Variants in ARL13B observed in about 807,000 individuals in gnomAD.
ARL13B encodes the protein ARF like GTPase 13B, also known as ADP-ribosylation factor-like protein 13B.
ARL13B carries 36 observed loss-of-function variants against 56.1 expected under a neutral mutation model. The ratio of observed to expected loss-of-function variants is 0.64; its 90% CI spans 0.49 to 0.85. ARL13B has a LOEUF of 0.85. Among genes scored for constraint, ARL13B ranks in the 40% least tolerant of loss-of-function variants. ARL13B has a pLI of 0.00. For synonymous variants in ARL13B, 178 were observed against 171.1 expected, an observed-to-expected ratio of 1.04 and a Z score of -0.32; for missense variants, 519 against 507.1, an observed-to-expected ratio of 1.02 and a Z score of -0.23.
In ARL13B at chr3:94,054,160, T is replaced by G. The variant is rs1203573458; in HGVS notation, c.*897T>G. 1 of 453,228 alleles carries G rather than the reference T, an allele frequency of 2.2e-6. No homozygotes were observed. Among genetic ancestry groups the G allele is most frequent in the Non-Finnish European group, 4.4e-6 (1 of 226,220 alleles). 28.1% of individuals were successfully genotyped at this position (453,228 alleles called of 1,614,324 possible). On this transcript the variant is annotated 3_prime_UTR_variant, in exon 10 of 10. Coordinates refer to ENST00000394222, the MANE Select transcript of ARL13B (RefSeq NM_001174150.2). ...TTGTTCCATCAGAAGCTGCAGTGAC[T>G]CTTTTAGGTGATTCTAATTCTTTCA...
Position 94,011,061 on chromosome 3 carries a change from C to G in ARL13B, c.380+7153C>G, listed in dbSNP as rs139889014. On this transcript the variant is annotated intron_variant, in intron 3 of 9. Transcript: ENST00000394222. ...GGAGATACGTGAAACATCTTTTTCT[C>G]TAGCGATGCTTGATAATTGACACCA... Among the ~76,000 whole-genome samples the G allele has an allele frequency of 1.2e-4, 18 of 152,140 alleles. No homozygotes were observed. In the East Asian group the frequency reaches 3.5e-3, roughly 29 times the overall value.
chr3:94,030,372 GCACGCCAC>G (rs2076653965), intron 3 of ARL13B, among the ~76,000 whole-genome samples: 1 of 149,564 alleles, frequency 6.7e-6, no homozygotes, highest in Non-Finnish European at 1.5e-5. Flanking sequence ...TATTACAGGT[GCACGCCAC>G]CACGCCTGGC....
chr3:94,042,805 ATTTG>A (rs1018713741), intron 6 of ARL13B, among the ~76,000 whole-genome samples: 16 of 152,128 alleles, frequency 1.1e-4, no homozygotes, highest in African/African-American at 3.9e-4. Flanking sequence ...TACTGGTAAT[ATTTG>A]TTTGCTTTTG....
intron 3 of ARL13B, among the ~76,000 whole-genome samples, chr3:94,016,966 C>A (rs1333126611): frequency 6.6e-6 from 1 of 152,122 alleles, no homozygotes; most frequent in Non-Finnish European, 1.5e-5. Context: ...TCTGTCAGAA[C>A]CATCAGAATA....
At chr3:94,042,962 C>T in intron 6 of ARL13B, 53 bp from the exon 7 acceptor site, 2 of 1,438,508 alleles carry the variant, frequency 1.4e-6, no homozygotes, top group Non-Finnish European at 1.9e-6. Flanking sequence ...TCCCTTAAAA[C>T]TATCTTAGAT....
rs1049073807 is a variant in ARL13B at position 94,053,592 on chromosome 3, A to T, written c.*329A>T. 2.0e-6 allele frequency: 1 copy of T among 496,530 alleles called. No homozygotes were observed. The highest frequency in any genetic ancestry group is 3.9e-6 in the Non-Finnish European group (1 of 255,604). 30.8% of individuals were successfully genotyped at this position (496,530 alleles called of 1,614,324 possible). A position where few individuals can be genotyped will look rare whatever the true frequency, so the allele number is the denominator to read the frequency against. Reference sequence around the variant, plus strand: ...TACAAAAAGAGCCAATGGACTCAGCACTTTCTTTACTATTTGTTCAATAGC... The same window carrying T: ...TACAAAAAGAGCCAATGGACTCAGCTCTTTCTTTACTATTTGTTCAATAGC... On this transcript the variant is annotated 3_prime_UTR_variant, in exon 10 of 10. Coordinates refer to ENST00000394222, the MANE Select transcript of ARL13B (RefSeq NM_001174150.2).
At position 94,049,439 on chromosome 3, in the gene ARL13B, T is replaced by C. The variant is rs1390167347; in HGVS notation, c.1058T>C (p.Met353Thr). The change falls in exon 8 of 10, where the codon ATG becomes ACG. Residue 353 changes from methionine (M) to threonine (T), a missense_variant. Coordinates refer to ENST00000394222, the MANE Select transcript of ARL13B (RefSeq NM_001174150.2). The stretch of plus-strand genomic sequence containing the variant: ...AAAAAGAAAACTAAGAAACTAAGAA[T>C]GAAAAGGAACCACCGGGTAGAACCA... Reference protein sequence around the residue: ...NGKKKTKKLRMKRNHRVEPLN... With the variant: ...NGKKKTKKLRTKRNHRVEPLN... The C allele has an allele frequency of 6.2e-7, 1 of 1,609,378 alleles. No homozygotes were observed. Among genetic ancestry groups the C allele is most frequent in the Non-Finnish European group, 8.5e-7 (1 of 1,178,070 alleles).
At chr3:94,015,421 C>A (rs1170891684) in intron 3 of ARL13B, 4 of 539,302 alleles carry the variant, frequency 7.4e-6, no homozygotes, top group South Asian at 4.6e-5. Flanking sequence ...TTAGAAAAAA[C>A]CAATGAGTTT....
At chr3:94,026,831 A>T (rs547955295) in intron 3 of ARL13B, among the ~76,000 whole-genome samples, 11 of 152,290 alleles carry the variant, frequency 7.2e-5, no homozygotes, top group African/African-American at 2.4e-4. Flanking sequence ...TACTAGCAAG[A>T]ACTGTATCTG....
intron 3 of ARL13B, among the ~76,000 whole-genome samples, chr3:94,030,223 TA>T (rs1269559291): frequency 1.3e-5 from 2 of 152,010 alleles, no homozygotes; most frequent in Admixed American, 6.6e-5. Flanking sequence ...ACCATATAAA[TA>T]TTTTTTTATT....
intron 6 of ARL13B, 98 bp from the exon 7 acceptor site, chr3:94,042,917 A>C (rs764934210): frequency 4.3e-5 from 40 of 941,020 alleles, no homozygotes; most frequent in Non-Finnish European, 5.6e-5. Flanking sequence ...GTGTCCTTGA[A>C]GTTACAGAAT....
chr3:94,043,794 A>C (rs1210583952), intron 7 of ARL13B, among the ~76,000 whole-genome samples: 1 of 141,760 alleles, frequency 7.1e-6, no homozygotes, highest in African/African-American at 2.7e-5. Flanking sequence ...AGTGCCTGGG[A>C]TTCCAGGCAC....
chr3:94,015,044 T>C (rs776401971), intron 3 of ARL13B: 3 of 1,613,960 alleles, frequency 1.9e-6, no homozygotes, highest in African/African-American at 2.7e-5. Context: ...ACCAGACTTT[T>C]CTGTTGCTGC....
intron 7 of ARL13B, among the ~76,000 whole-genome samples, chr3:94,045,844 A>G (rs948092393): frequency 7.5e-4 from 112 of 150,254 alleles, no homozygotes; most frequent in African/African-American, 2.7e-3. Context: ...CCAGCTACTC[A>G]GGAGGCTGAG....
chr3:93,998,105 A>T (rs2075996662), intron 2 of ARL13B, among the ~76,000 whole-genome samples: 1 of 152,016 alleles, frequency 6.6e-6, no homozygotes, highest in Non-Finnish European at 1.5e-5. Context: ...TTTTCTTTTA[A>T]TTTTTTTTAG....
At chr3:94,015,036 C>G (rs761782803) in intron 3 of ARL13B, 5 of 1,614,012 alleles carry the variant, frequency 3.1e-6, no homozygotes, top group Non-Finnish European at 4.2e-6. Flanking sequence ...TTGAAGCCAC[C>G]AGACTTTTCT....
intron 3 of ARL13B, among the ~76,000 whole-genome samples, chr3:94,029,341 T>TA (rs1416692603): frequency 0.012 from 1,156 of 96,484 alleles, 33 homozygotes; most frequent in African/African-American, 0.06. Flanking sequence ...TATATTTATT[T>TA]TTTTTTTATT....
At chr3:93,996,620 C>T (rs1376091016) in intron 2 of ARL13B, 14 of 440,526 alleles carry the variant, frequency 3.2e-5, no homozygotes, top group Admixed American at 3.1e-4. Context: ...TCAAGCTATT[C>T]TTCTGCCTTG....
intron 3 of ARL13B, among the ~76,000 whole-genome samples, chr3:94,007,277 C>G (rs1221552794): frequency 6.6e-6 from 1 of 152,122 alleles, no homozygotes; most frequent in Non-Finnish European, 1.5e-5. Flanking sequence ...ATTGACAGAG[C>G]CTGAATTCAT....
Sources: allele counts gnomAD v4.1 joint callset (sites outside exome capture counted in the v4.1 genomes callset), GRCh38; gene constraint gnomAD v4.1.1; transcripts MANE v1.5; gene names NCBI Gene and HGNC (gene_info 2026-07-23, HGNC 2026-07-21).